OPCML: variants seen among roughly 807,000 people sequenced by gnomAD.
The protein encoded by OPCML is opioid binding protein/cell adhesion molecule like, also known as opioid-binding protein/cell adhesion molecule.
A neutral mutation model predicts 37.8 loss-of-function variants in OPCML; 13 were observed. The observed-to-expected ratio is 0.34, with a 90% confidence interval of 0.22 to 0.55. The LOEUF (loss-of-function observed/expected upper bound fraction) is 0.55. Ranked by LOEUF, OPCML falls within the 20% of genes least tolerant of loss-of-function variation. OPCML has a pLI of 0.91. For synonymous variants in OPCML, 176 were observed against 168.8 expected (o/e 1.04, Z -0.33); for missense variants, 341 against 435.6 (o/e 0.78, Z 1.93).
chr11:132,483,837 A>G (rs1395387453), intron 4 of OPCML, among the ~76,000 whole-genome samples: 1 of 151,670 alleles, frequency 6.6e-6, no homozygotes, highest in Non-Finnish European at 1.5e-5. Flanking sequence ...TATTTAATAA[A>G]TGGTGCTGGG....
intron 1 of OPCML, among the ~76,000 whole-genome samples, chr11:133,122,451 C>T (rs746372024): frequency 2.6e-5 from 4 of 152,106 alleles, no homozygotes; most frequent in East Asian, 1.9e-4. Flanking sequence ...AGTTCCAAAA[C>T]GTGAGCATGG....
At chr11:133,007,396 C>T (rs1309485286) in intron 1 of OPCML, 17 of 985,312 alleles carry the variant, frequency 1.7e-5, no homozygotes, top group East Asian at 1.1e-4. Context: ...TGGTGCTTAT[C>T]GCCCCATTAA....
intron 3 of OPCML, among the ~76,000 whole-genome samples, chr11:132,617,488 T>C (rs1479363823): frequency 1.3e-5 from 2 of 152,184 alleles, no homozygotes; most frequent in East Asian, 1.9e-4. Context: ...CTCCCAGTGA[T>C]TGGCCCCTCC....
chr11:133,194,312 G>T (rs1315160373), intron 1 of OPCML, among the ~76,000 whole-genome samples: 1 of 148,466 alleles, frequency 6.7e-6, no homozygotes, highest in Admixed American at 6.9e-5. Flanking sequence ...CCAGGCTCAA[G>T]CAATTCTCCT....
At chr11:133,109,553 G>A (rs1350276034) in intron 1 of OPCML, among the ~76,000 whole-genome samples, 7 of 151,712 alleles carry the variant, frequency 4.6e-5, no homozygotes, top group South Asian at 2.1e-4. Context: ...GCTACTGAGC[G>A]CTGATGTGTG....
At chr11:132,599,334 G>A (rs1016606701) in intron 3 of OPCML, among the ~76,000 whole-genome samples, 1 of 148,454 alleles carries the variant, frequency 6.7e-6, no homozygotes, top group Non-Finnish European at 1.5e-5. Flanking sequence ...AGAAGAAGGA[G>A]GAGGAGGAGG....
At chr11:132,740,218 G>C (rs140974993) in intron 2 of OPCML, among the ~76,000 whole-genome samples, 1 of 152,146 alleles carries the variant, frequency 6.6e-6, no homozygotes, top group Non-Finnish European at 1.5e-5. Flanking sequence ...TAACAATAAC[G>C]TATCTGTGAT....
intron 4 of OPCML, among the ~76,000 whole-genome samples, chr11:132,487,072 G>A (rs2096202213): frequency 6.6e-6 from 1 of 152,124 alleles, no homozygotes; most frequent in South Asian, 2.1e-4. Context: ...CAAAACATTT[G>A]AGAAAAATCT....
chr11:133,095,718 G>C (rs760395953), intron 1 of OPCML, among the ~76,000 whole-genome samples: 2 of 150,572 alleles, frequency 1.3e-5, no homozygotes, highest in Non-Finnish European at 3.0e-5. Context: ...AAAAAAATCA[G>C]AGGAAAAGAC....
At chr11:132,451,976 C>T (rs542130113) in intron 4 of OPCML, among the ~76,000 whole-genome samples, 1 of 152,104 alleles carries the variant, frequency 6.6e-6, no homozygotes, top group Non-Finnish European at 1.5e-5. Flanking sequence ...GTTTCAATTC[C>T]CCTAAACCGC....
chr11:133,487,209 T>C (rs1370475482), intron 1 of OPCML, among the ~76,000 whole-genome samples: 1 of 152,168 alleles, frequency 6.6e-6, no homozygotes, highest in Non-Finnish European at 1.5e-5. Context: ...TTCAGAATAA[T>C]ATCCAAATCT....
chr11:133,479,696 C>G (rs1947332777), intron 1 of OPCML, among the ~76,000 whole-genome samples: 1 of 152,218 alleles, frequency 6.6e-6, no homozygotes, highest in Non-Finnish European at 1.5e-5. Flanking sequence ...CATTTGGGCC[C>G]CACCCAAGTC....
chr11:133,253,694 A>C (rs554944584), intron 1 of OPCML, among the ~76,000 whole-genome samples: 1 of 152,380 alleles, frequency 6.6e-6, no homozygotes, highest in South Asian at 2.1e-4. Context: ...TATATCACTT[A>C]AAATGAATAA....
chr11:133,415,563 GGAA>G (rs1945742705), intron 1 of OPCML, among the ~76,000 whole-genome samples: 1 of 152,168 alleles, frequency 6.6e-6, no homozygotes, highest in South Asian at 2.1e-4. Context: ...ACCAGGAGGA[GGAA>G]GAAGAAGGCC....
chr11:132,758,016 T>C (rs1221443127), intron 2 of OPCML, among the ~76,000 whole-genome samples: 1 of 152,242 alleles, frequency 6.6e-6, no homozygotes, highest in Admixed American at 6.5e-5. Context: ...TTTCTGCATA[T>C]GGCTAGCCAG....
rs530610678 is a variant in OPCML, at chr11:133,130,299, T to A, written c.62-187289A>T. On this transcript the variant is annotated intron_variant, in intron 1 of 7. Transcript: ENST00000524381. ...TAAAAGAAAATGTGTGGAACATTAA[T>A]GATCTGTGAGATAACTTCAAGAGGC... 1.4e-3 allele frequency among the ~76,000 whole-genome samples: 206 copies of A among 152,258 alleles called. 2 individuals carry two copies. Among genetic ancestry groups the A allele is most frequent in the Middle Eastern group, 0.01 (3 of 294 alleles).
At chr11:133,268,814 A>G (rs537332282) in intron 1 of OPCML, among the ~76,000 whole-genome samples, 61 of 152,334 alleles carry the variant, frequency 4.0e-4, no homozygotes, top group Non-Finnish European at 7.1e-4. Flanking sequence ...ATGAGTAGAT[A>G]ATTTTTCCTA....
chr11:132,438,238 ACCC>A (rs2096019814), intron 4 of OPCML, among the ~76,000 whole-genome samples: 1 of 152,164 alleles, frequency 6.6e-6, no homozygotes, highest in African/African-American at 2.4e-5. Context: ...AAGACAACAG[ACCC>A]TCTGTCTTCC....
At position 133,206,676 on chromosome 11, in the gene OPCML, C is replaced by G. The variant is rs1311931732; in HGVS notation, c.62-263666G>C. Among the ~76,000 whole-genome samples the G allele has an allele frequency of 6.6e-6, 1 of 152,170 alleles. No individual in the cohort carries two copies. Among genetic ancestry groups the G allele is most frequent in the East Asian group, 1.9e-4 (1 of 5,180 alleles). On this transcript the variant is annotated intron_variant, in intron 1 of 7. Coordinates refer to ENST00000524381, the MANE Select transcript of OPCML (RefSeq NM_001012393.5). The surrounding 1 kb of genome is among the most constrained non-coding windows in gnomAD (Gnocchi z 4.7). Reference sequence around the variant, plus strand: ...GCCGAGCAAAGGCTGTGCTCTCCTGCTCGATGAAGCTTCTATCTGTGTATC... The same window carrying G: ...GCCGAGCAAAGGCTGTGCTCTCCTGGTCGATGAAGCTTCTATCTGTGTATC...
Sources: allele counts gnomAD v4.1 joint callset (sites outside exome capture counted in the v4.1 genomes callset), GRCh38; gene constraint gnomAD v4.1.1; non-coding constraint Gnocchi (gnomAD v3.1); transcripts MANE v1.5; gene names NCBI Gene and HGNC (gene_info 2026-07-23, HGNC 2026-07-21).